The following PCDHA9 variants were observed in gnomAD, a reference collection of about 807,000 sequenced individuals.
The protein encoded by PCDHA9 is protocadherin alpha 9, also known as protocadherin alpha-9.
A neutral mutation model predicts 62.0 loss-of-function variants in PCDHA9; 62 were observed. That is an observed-to-expected ratio of 1.00 (90% CI 0.81 to 1.23). The LOEUF (loss-of-function observed/expected upper bound fraction) is 1.23, where lower values mean the gene tolerates loss of function less well. Ranked by LOEUF, PCDHA9 falls within the 50% of genes most tolerant of loss-of-function variation. PCDHA9 has a pLI of 0.00. For synonymous variants in PCDHA9, 557 were observed against 567.6 expected (o/e 0.98, Z 0.27); for missense variants, 1,205 against 1,249.8 (o/e 0.96, Z 0.54).
chr5:141,000,412 TATATATATA>T (rs1297219533), intron 3 of PCDHA9, among the ~76,000 whole-genome samples: 3 of 102,772 alleles, frequency 2.9e-5, no homozygotes, highest in Admixed American at 1.2e-4. Flanking sequence ...TATATATATA[TATATATATA>T]TTTTTTTTTT....
Position 140,857,279 on chromosome 5 carries a change from G to T in PCDHA9, c.2394+6390G>T, listed in dbSNP as rs782434219. ...TTACTACTCATTGGTGCTGGACAGC[G>T]CTCTGGACCGCGAGAGGGTGTCGGC... On this transcript the variant is annotated intron_variant, in intron 1 of 3. Transcript: ENST00000532602. 22 of 1,598,726 alleles carry T rather than the reference G, an allele frequency of 1.4e-5. No homozygotes were observed. The East Asian group carries it at 4.7e-4, about 34-fold the overall frequency.
intron 1 of PCDHA9, chr5:140,875,985 G>A (rs1351463699): frequency 4.3e-6 from 7 of 1,613,830 alleles, no homozygotes; most frequent in South Asian, 1.1e-5. Flanking sequence ...TGACCTATGC[G>A]TTAAGTCTAA....
Position 140,870,545 on chromosome 5 carries a change from C to T in PCDHA9, c.2394+19656C>T, listed in dbSNP as rs1029944968. The T allele has an allele frequency of 1.2e-6, 2 of 1,614,108 alleles. No individual in the cohort carries two copies. Among genetic ancestry groups the T allele is most frequent in the Admixed American group, 1.7e-5 (1 of 60,034 alleles). On this transcript the variant is annotated intron_variant, in intron 1 of 3. Coordinates refer to ENST00000532602, the MANE Select transcript of PCDHA9 (RefSeq NM_031857.2). The stretch of plus-strand genomic sequence containing the variant: ...ATCTTCACAGTGTCGGCGCGGGACG[C>T]GGACGCGCAGGAGAACGCGCTGGTG...
At position 140,982,581 on chromosome 5, in the gene PCDHA9, C is replaced by CT. The variant is rs782248594; in HGVS notation, c.2542+19dup. 2.4e-5 allele frequency: 38 copies of CT among 1,612,216 alleles called. No homozygotes were observed. The Middle Eastern group carries it at 5.0e-4, about 21-fold the overall frequency. ...AACACCAGGTAAAGAGCTGGGGTCT[C>CT]TCCATTCTTTCTTGGTTTCTGGAAA... On this transcript the variant is annotated intron_variant, in intron 3 of 3. Transcript: ENST00000532602.
At chr5:140,996,933 T>G (rs2097753695) in intron 3 of PCDHA9, among the ~76,000 whole-genome samples, 1 of 152,186 alleles carries the variant, frequency 6.6e-6, no homozygotes, top group African/African-American at 2.4e-5. Flanking sequence ...ATATAGCATT[T>G]TTGCATAGAA....
chr5:140,893,433 G>A (rs1441735373), intron 1 of PCDHA9, among the ~76,000 whole-genome samples: 3 of 152,006 alleles, frequency 2.0e-5, no homozygotes, highest in African/African-American at 4.8e-5. Context: ...CAGGAAGATC[G>A]CTTGAAGCCA....
At chr5:140,858,851 A>G in intron 1 of PCDHA9, 1 of 282,254 alleles carries the variant, frequency 3.5e-6, no homozygotes, top group Non-Finnish European at 6.7e-6. Flanking sequence ...ACTGATCTAT[A>G]TCTCTTCAGT....
chr5:140,932,088 T>G (rs2088018403), intron 1 of PCDHA9, among the ~76,000 whole-genome samples: 1 of 151,932 alleles, frequency 6.6e-6, no homozygotes, highest in Non-Finnish European at 1.5e-5. Context: ...CAGGAAAACA[T>G]GGTTTTTATC....
In PCDHA9 at chr5:140,870,260, G is replaced by T. The variant is rs782261095; in HGVS notation, c.2394+19371G>T. The T allele has an allele frequency of 2.0e-5, 32 of 1,614,082 alleles. No individual in the cohort carries two copies. The highest frequency in any genetic ancestry group is 3.3e-4 in the Middle Eastern group (2 of 6,082). On this transcript the variant is annotated intron_variant, in intron 1 of 3. Coordinates refer to ENST00000532602, the MANE Select transcript of PCDHA9 (RefSeq NM_031857.2). ...TCAGGTGTCAACGGACAGGTGACCT[G>T]CTCGCTGACGCCCCACGTTCCCTTC...
chr5:141,005,339 T>C (rs920058303), intron 3 of PCDHA9, among the ~76,000 whole-genome samples: 5 of 151,926 alleles, frequency 3.3e-5, no homozygotes, highest in African/African-American at 9.7e-5. Context: ...GCCAAGGGGG[T>C]GCTGCTTGGC....
chr5:141,007,524 C>T (rs2098334216), intron 3 of PCDHA9, among the ~76,000 whole-genome samples: 1 of 151,984 alleles, frequency 6.6e-6, no homozygotes, highest in African/African-American at 2.4e-5. Context: ...GCTGATATCT[C>T]GCCACTGCAC....
At chr5:140,879,141 G>T (rs1413837977) in intron 1 of PCDHA9, among the ~76,000 whole-genome samples, 1 of 152,192 alleles carries the variant, frequency 6.6e-6, no homozygotes, top group Non-Finnish European at 1.5e-5. Flanking sequence ...GATTGTGAAG[G>T]CAGGAAAGCT....
chr5:140,998,066 C>T (rs1234368433), intron 3 of PCDHA9, among the ~76,000 whole-genome samples: 2 of 152,160 alleles, frequency 1.3e-5, no homozygotes, highest in East Asian at 1.9e-4. Flanking sequence ...CATCAACAGA[C>T]TTAGCCTCTG....
rs782716439 is a variant in PCDHA9, at chr5:140,858,074, A to C, written c.2394+7185A>C. The stretch of plus-strand genomic sequence containing the variant: ...GCTTGTGGAGGGCAGCCAGGCACCC[A>C]AGGCCTCGTCGCGGGCTTCAGTGGG... On this transcript the variant is annotated intron_variant, in intron 1 of 3. Coordinates refer to ENST00000532602, the MANE Select transcript of PCDHA9 (RefSeq NM_031857.2). 3 of 1,597,526 alleles carry C rather than the reference A, an allele frequency of 1.9e-6. No homozygotes were observed. The African/African-American group carries it at 4.0e-5, about 21-fold the overall frequency.
At chr5:140,976,148 C>T (rs1563445972) in intron 1 of PCDHA9, among the ~76,000 whole-genome samples, 1 of 152,160 alleles carries the variant, frequency 6.6e-6, no homozygotes, top group Non-Finnish European at 1.5e-5. Flanking sequence ...AACTCATGTA[C>T]ATTTTACTAC....
At chr5:140,881,074 A>G (rs1416572917) in intron 1 of PCDHA9, among the ~76,000 whole-genome samples, 1 of 152,200 alleles carries the variant, frequency 6.6e-6, no homozygotes, top group African/African-American at 2.4e-5. Context: ...TAATTATTGG[A>G]GCTATGATAT....
In PCDHA9 at chr5:140,849,850, C is replaced by A. The variant is rs17844329; in HGVS notation, c.1355C>A (p.Ala452Glu). ...SVEVADVNDN[A>E]PAFAQSEYTV... ...GAGGTGGCCGACGTGAACGACAACG[C>A]ACCAGCGTTCGCGCAGTCCGAGTAC... Residue 452 changes from alanine (A) to glutamate (E), a missense_variant, in exon 1 of 4, where the codon GCA becomes GAA. By Grantham distance (107) the Ala-to-Glu change is moderately radical (BLOSUM62 -1). Around this residue, in one of 3 missense-constraint regions of PCDHA9, gnomAD observed 887 missense variants for 809.5 expected, o/e 1.10. Transcript: ENST00000532602. The A allele has an allele frequency of 2.5e-4, 392 of 1,598,618 alleles. 6 individuals carry two copies. The East Asian group carries it at 8.6e-3, about 35-fold the overall frequency.
At chr5:140,865,729 G>A (rs1325219094) in intron 1 of PCDHA9, 2 of 152,136 alleles carry the variant, frequency 1.3e-5, no homozygotes, top group Non-Finnish European at 2.9e-5. Context: ...GCTGAGATGT[G>A]TATCTATTTT....
chr5:140,852,292 T>C (rs1554145741), intron 1 of PCDHA9: 1 of 478,914 alleles, frequency 2.1e-6, no homozygotes, highest in African/African-American at 2.1e-5. Context: ...CTTTTTATTT[T>C]TCTGAGACGG....
Sources: allele counts gnomAD v4.1 joint callset (sites outside exome capture counted in the v4.1 genomes callset), GRCh38; gene constraint gnomAD v4.1.1; regional missense constraint gnomAD v4.1.1; transcripts MANE v1.5; gene names NCBI Gene and HGNC (gene_info 2026-07-23, HGNC 2026-07-21).